ARFGAP1: variants seen among roughly 807,000 people sequenced by gnomAD.
ARFGAP1 encodes the protein ARF GTPase activating protein 1, also known as ADP-ribosylation factor GTPase-activating protein 1.
A neutral mutation model predicts 54.0 loss-of-function variants in ARFGAP1; 26 were observed. The observed-to-expected ratio is 0.48, with a 90% CI of 0.35 to 0.67. ARFGAP1 has a LOEUF of 0.67. ARFGAP1 is among the 30% of genes least tolerant of loss of function. The pLI is 0.00. For synonymous variants in ARFGAP1, 248 were observed against 211.9 expected (o/e 1.17, Z -1.48); for missense variants, 525 against 535.8 (o/e 0.98, Z 0.20).
At position 63,287,912 on chromosome 20, in the gene ARFGAP1, T is replaced by A; in HGVS notation, c.*39T>A. On this transcript the variant is annotated 3_prime_UTR_variant, in exon 13 of 13. Transcript: ENST00000370283. The stretch of plus-strand genomic sequence containing the variant: ...CCCGTCCCCAGCGCCCCCGGGCGAC[T>A]TCGTGTTTGCACTCTGCCCTCGTCG... 1 of 1,467,858 alleles carries A rather than the reference T, an allele frequency of 6.8e-7. No individual in the cohort carries two copies. The highest frequency in any genetic ancestry group is 9.0e-7 in the Non-Finnish European group (1 of 1,109,442). 90.9% of individuals were successfully genotyped at this position (1,467,858 alleles called of 1,614,324 possible). A position where few individuals can be genotyped will look rare whatever the true frequency, so the allele number is the denominator to read the frequency against.
intron 7 of ARFGAP1, chr20:63,279,199 C>CTT (rs758984547): frequency 2.9e-3 from 1,627 of 553,678 alleles, no homozygotes; most frequent in Middle Eastern, 4.7e-3. Context: ...CAATCACTTC[C>CTT]TTTTTTTTTT....
chr20:63,280,165 C>T (rs2067343093), intron 7 of ARFGAP1, among the ~76,000 whole-genome samples: 1 of 152,200 alleles, frequency 6.6e-6, no homozygotes, highest in African/African-American at 2.4e-5. Flanking sequence ...GATTTTTATT[C>T]ATTGCAGCAT....
Position 63,278,820 on chromosome 20 carries a change from C to T in ARFGAP1, c.531-79C>T, listed in dbSNP as rs2067302485. 2.8e-6 allele frequency: 4 copies of T among 1,422,872 alleles called. No individual in the cohort carries two copies. In the South Asian group the frequency reaches 4.7e-5, roughly 17 times the overall value. 88.1% of individuals were successfully genotyped at this position (1,422,872 alleles called of 1,614,324 possible). ...ACGTCCCCCAGAGCCCCAGCCTTGCCTGTGTTCAGGGCCCCACGCCCTCGG... is the reference window on the plus strand; with the variant it reads ...ACGTCCCCCAGAGCCCCAGCCTTGCTTGTGTTCAGGGCCCCACGCCCTCGG... On this transcript the variant is annotated intron_variant, in intron 6 of 12. Transcript: ENST00000370283.
chr20:63,281,217 G>T, intron 7 of ARFGAP1, 74 bp from the exon 8 acceptor site: 1 of 1,492,952 alleles, frequency 6.7e-7, no homozygotes, highest in Non-Finnish European at 9.1e-7. Flanking sequence ...CCTCTTCCTT[G>T]CTGAGATACT....
At chr20:63,284,317 G>A in intron 9 of ARFGAP1, 15 of 1,085,684 alleles carry the variant, frequency 1.4e-5, no homozygotes, top group Non-Finnish European at 1.7e-5. Flanking sequence ...GATCCGTGCT[G>A]CTCCCTGCCT....
intron 9 of ARFGAP1, chr20:63,284,168 CG>C: frequency 7.7e-7 from 1 of 1,294,748 alleles, no homozygotes; most frequent in Non-Finnish European, 9.8e-7. Flanking sequence ...GGCCTGCTGC[CG>C]GGGAGGTGCT....
intron 1 of ARFGAP1, among the ~76,000 whole-genome samples, chr20:63,274,409 A>G (rs2067183858): frequency 7.0e-6 from 1 of 142,702 alleles, no homozygotes; most frequent in African/African-American, 2.6e-5. Context: ...TGTTTTTTAA[A>G]AGCTCTGCCT....
At chr20:63,283,701 A>T (rs532406454) in intron 9 of ARFGAP1, 1 of 762,416 alleles carries the variant, frequency 1.3e-6, no homozygotes, top group South Asian at 1.8e-5. Context: ...CAGGGCAGGG[A>T]GCGGCTGCTC....
intron 11 of ARFGAP1, chr20:63,286,007 T>C (rs1274146789): frequency 2.6e-6 from 4 of 1,540,002 alleles, no homozygotes; most frequent in Non-Finnish European, 3.5e-6. Context: ...CTGCCATCAG[T>C]CCCACTGCTC....
rs1213071170 is a variant in ARFGAP1 at position 63,281,628 on chromosome 20, C to A, written c.684+281C>A. 3.3e-5 allele frequency among the ~76,000 whole-genome samples: 5 copies of A among 152,176 alleles called. No homozygotes were observed. In the South Asian group the frequency reaches 8.3e-4, roughly 25 times the overall value. On this transcript the variant is annotated intron_variant, in intron 8 of 12. Transcript: ENST00000370283. ...TGATGAAAGTGAGGGAGATGTGAGC[C>A]CCATTGATTCCTAGACTCCACCCTA...
intron 9 of ARFGAP1, chr20:63,284,077 C>A: frequency 7.2e-7 from 1 of 1,394,232 alleles, no homozygotes; most frequent in South Asian, 1.6e-5. Flanking sequence ...GTGTGCCTGT[C>A]ACCCCTGCGC....
At position 63,283,873 on chromosome 20, in the gene ARFGAP1, C is replaced by T. The variant is rs763723214; in HGVS notation, c.718-993C>T. On this transcript the variant is annotated intron_variant, in intron 9 of 12. Transcript: ENST00000370283. ...AAGTTTTGGGGTCACAAGCAGCAGC[C>T]GGAGCCGGTAAAGCCCGTGTCTGCT... 9 of 1,613,610 alleles carry T rather than the reference C, an allele frequency of 5.6e-6. No homozygotes were observed. The highest frequency in any genetic ancestry group is 4.0e-5 in the African/African-American group (3 of 74,914).
chr20:63,278,441 G>A (rs1043553469), intron 6 of ARFGAP1: 3 of 514,396 alleles, frequency 5.8e-6, no homozygotes, highest in Non-Finnish European at 1.1e-5. Context: ...TAGATGTATT[G>A]CAGTGACCCC....
At chr20:63,287,448 G>GAGC in intron 12 of ARFGAP1, 116 bp from the exon 13 acceptor site, 1 of 973,918 alleles carries the variant, frequency 1.0e-6, no homozygotes, top group Non-Finnish European at 1.5e-6. Flanking sequence ...TGTGGACCCT[G>GAGC]AGCGCTGGCC....
At position 63,282,772 on chromosome 20, in the gene ARFGAP1, C is replaced by CAGCCCATGTTAAGTCTGTCA. The variant is rs1251640495; in HGVS notation, c.685-42_685-23dup. The CAGCCCATGTTAAGTCTGTCA allele has an allele frequency of 7.5e-6, 12 of 1,607,894 alleles. No individual in the cohort carries two copies. In the African/African-American group the frequency reaches 1.5e-4, roughly 20 times the overall value. ...GTGGGCCCTGAGGAAGGATGCCTGG[C>CAGCCCATGTTAAGTCTGTCA]AGCCCATGTTAAGTCTGTCAAGCCT... On this transcript the variant is annotated intron_variant, in intron 8 of 12. Coordinates refer to ENST00000370283, the MANE Select transcript of ARFGAP1 (RefSeq NM_018209.4).
At position 63,276,157 on chromosome 20, in the gene ARFGAP1, C is replaced by T. The variant is rs757255913; in HGVS notation, c.127C>T (p.Leu43=). The T allele has an allele frequency of 6.2e-7, 1 of 1,614,054 alleles. No homozygotes were observed. The highest frequency in any genetic ancestry group is 8.5e-7 in the Non-Finnish European group (1 of 1,180,036). ...TGTGACCTACGGCATCTGGATCTGCCTGGAGTGCTCGGGGAGACACCGCGG... is the reference window on the plus strand; with the variant it reads ...TGTGACCTACGGCATCTGGATCTGCTTGGAGTGCTCGGGGAGACACCGCGG... ...VSVTYGIWIC[L]ECSGRHRGLG... Residue 43 remains leucine (L), a synonymous_variant, in exon 3 of 13, where the codon CTG becomes TTG. Transcript: ENST00000370283. The surrounding 1 kb of genome is among the most constrained non-coding windows in gnomAD (Gnocchi z 5.2).
At chr20:63,284,684 C>T (rs2067478421) in intron 9 of ARFGAP1, 182 bp from the exon 10 acceptor site, 14 of 1,436,114 alleles carry the variant, frequency 9.7e-6, no homozygotes, top group Admixed American at 4.9e-5. Context: ...CTAGAGGTGG[C>T]GGCCTACTGC....
Position 63,288,379 on chromosome 20 carries a change from G to A in ARFGAP1, c.*506G>A, listed in dbSNP as rs528135604. 14 of 456,276 alleles carry A rather than the reference G, an allele frequency of 3.1e-5. No homozygotes were observed. The highest frequency in any genetic ancestry group is 7.0e-5 in the Admixed American group (3 of 42,560). The allele number at this position is 456,276 out of a possible 1,614,324, so 28.3% of individuals were successfully genotyped here. On this transcript the variant is annotated 3_prime_UTR_variant, in exon 13 of 13. Transcript: ENST00000370283. ...TGCTGGAAATGATACTGGCGCTCAC[G>A]CTGCCATCCGACCACCCTCGGCTCC...
In ARFGAP1 at chr20:63,287,752, G is replaced by A; in HGVS notation, c.1100G>A (p.Trp367Ter). The part of the protein sequence containing the change: ...ERRSSDSWEV[W>*]GSASTNRNSN... ...AGGAGCTCGGACAGCTGGGAGGTGTGGGGCTCGGCCTCCACCAACAGGAAC... is the reference window on the plus strand; with the variant it reads ...AGGAGCTCGGACAGCTGGGAGGTGTAGGGCTCGGCCTCCACCAACAGGAAC... Residue 367 changes from tryptophan to a stop codon, truncating the protein, a stop_gained, in exon 13 of 13, where the codon TGG becomes TAG. Coordinates refer to ENST00000370283, the MANE Select transcript of ARFGAP1 (RefSeq NM_018209.4). LOFTEE classifies it low-confidence loss of function (END_TRUNC). 8.7e-6 allele frequency: 14 copies of A among 1,609,908 alleles called. No individual in the cohort carries two copies. Among genetic ancestry groups the A allele is most frequent in the African/African-American group, 1.3e-5 (1 of 74,798 alleles).
Sources: gnomAD v4.1 joint callset for allele counts (sites outside exome capture counted in the v4.1 genomes callset) on GRCh38, gnomAD v4.1.1 for gene constraint, Gnocchi (gnomAD v3.1) non-coding constraint, MANE v1.5 for transcripts, NCBI Gene and HGNC (gene_info 2026-07-23, HGNC 2026-07-21) for gene names.